The following BIRC6 variants were observed in gnomAD, a reference collection of about 807,000 sequenced individuals.
BIRC6 encodes dual E2 ubiquitin-conjugating enzyme/E3 ubiquitin-protein ligase BIRC6.
A neutral mutation model predicts 503.3 loss-of-function variants in BIRC6; 98 were observed. That is an observed-to-expected ratio of 0.19 (90% CI 0.17 to 0.23). BIRC6 has a LOEUF of 0.23. BIRC6 is among the 10% of genes least tolerant of loss of function. The pLI, the probability that BIRC6 is intolerant of heterozygous loss-of-function variation, is 1.00. For synonymous variants in BIRC6, 2,240 were observed against 2,078.7 expected (o/e 1.08, Z -2.11); for missense variants, 5,360 against 5,806.0 (o/e 0.92, Z 2.50).
At chr2:32,488,548 T>C in intron 41 of BIRC6, 40 bp from the exon 42 acceptor site, 1 of 1,462,824 alleles carries the variant, frequency 6.8e-7, no homozygotes. Context: ...CATATTATAA[T>C]AGGTACATTT....
chr2:32,448,679 G>GGGGAGA (rs1401741461), intron 21 of BIRC6, 116 bp from the exon 22 acceptor site: 7 of 793,456 alleles, frequency 8.8e-6, no homozygotes, highest in East Asian at 2.7e-5. Flanking sequence ...AGAGGGGAGA[G>GGGGAGA]GGGAGAGGGA....
rs965489908 is a variant in BIRC6, at chr2:32,568,702, G to A, written c.13145-6454G>A. On this transcript the variant is annotated intron_variant, in intron 65 of 73. Transcript: ENST00000421745. ...TGACCAAAAATACAAAAATTAGTCCGGCATGGTGGCATGCACCTGTAATCC... is the reference window on the plus strand; with the variant it reads ...TGACCAAAAATACAAAAATTAGTCCAGCATGGTGGCATGCACCTGTAATCC... 2.0e-5 allele frequency among the ~76,000 whole-genome samples: 3 copies of A among 151,570 alleles called. No individual in the cohort carries two copies. In the East Asian group the frequency reaches 5.8e-4, roughly 30 times the overall value.
chr2:32,382,687 G>T (rs2037848691), intron 3 of BIRC6, among the ~76,000 whole-genome samples: 1 of 152,132 alleles, frequency 6.6e-6, no homozygotes, highest in Admixed American at 6.5e-5. Flanking sequence ...TTATATATTT[G>T]AACTTTCATA....
At chr2:32,513,494 G>A (rs1471358648) in intron 54 of BIRC6, among the ~76,000 whole-genome samples, 1 of 152,162 alleles carries the variant, frequency 6.6e-6, no homozygotes, top group Non-Finnish European at 1.5e-5. Flanking sequence ...ACAACTTTGG[G>A]GGTGGGCATG....
chr2:32,451,302 A>G lies in BIRC6; in HGVS notation c.4618+2374A>G, dbSNP rs190306191. The stretch of plus-strand genomic sequence containing the variant: ...TTTATCTTGTGTCATTGCCCCGTTT[A>G]GTCTTTTTTGGCCCTGTGATTCTCA... On this transcript the variant is annotated intron_variant, in intron 22 of 73. Coordinates refer to ENST00000421745, the MANE Select transcript of BIRC6 (RefSeq NM_016252.4). Among the ~76,000 whole-genome samples, 23 of 152,118 alleles carry G rather than the reference A, an allele frequency of 1.5e-4. 1 individual carries two copies. The East Asian group carries it at 3.9e-3, about 26-fold the overall frequency.
At chr2:32,485,888 CT>C (rs1215552704) in intron 40 of BIRC6, 129 bp downstream of exon 40, 1 of 604,444 alleles carries the variant, frequency 1.7e-6, no homozygotes, top group Admixed American at 3.0e-5. Context: ...GTATGTAGCA[CT>C]TTCCTGGCTC....
chr2:32,530,073 A>G (rs1292245732), intron 60 of BIRC6, among the ~76,000 whole-genome samples: 2 of 152,196 alleles, frequency 1.3e-5, no homozygotes, highest in South Asian at 2.1e-4. Context: ...TGTGAGAGCT[A>G]TGTGAATTGT....
chr2:32,415,987 C>T lies in BIRC6; in HGVS notation c.2696C>T (p.Thr899Ile), dbSNP rs1337456883. 6.2e-7 allele frequency: 1 copy of T among 1,613,802 alleles called. No individual in the cohort carries two copies. Among genetic ancestry groups the T allele is most frequent in the Non-Finnish European group, 8.5e-7 (1 of 1,179,864 alleles). The change falls in exon 10 of 74, where the codon ACT becomes ATT. Residue 899 changes from threonine to isoleucine, a missense_variant. Thr to Ile is a moderately conservative substitution (Grantham distance 89, BLOSUM62 -1). Transcript: ENST00000421745. ...AGAGAAAAAACGTCTGACATTTCTA[C>T]TCTTGGACACCTGGTAATAACCACT... ...FEREKTSDIS[T>I]LGHLVITTQG...
chr2:32,578,806 AC>A (rs777164568), intron 66 of BIRC6, among the ~76,000 whole-genome samples: 4,858 of 149,686 alleles, frequency 0.032, 89 homozygotes, highest in African/African-American at 0.062. Context: ...CTCAAAAAAT[AC>A]ATACATACAT....
chr2:32,559,790 G>A (rs1305586705), intron 65 of BIRC6, among the ~76,000 whole-genome samples: 1 of 151,974 alleles, frequency 6.6e-6, no homozygotes, highest in African/African-American at 2.4e-5. Context: ...GGAGGCCAAG[G>A]CCGGTGGATC....
chr2:32,481,964 A>G (rs2050454011), intron 38 of BIRC6, among the ~76,000 whole-genome samples: 1 of 152,222 alleles, frequency 6.6e-6, no homozygotes, highest in African/African-American at 2.4e-5. Flanking sequence ...AAGAAAACTT[A>G]CATTTTTATT....
intron 1 of BIRC6, among the ~76,000 whole-genome samples, chr2:32,365,972 C>T (rs2034868885): frequency 6.6e-6 from 1 of 151,986 alleles, no homozygotes; most frequent in African/African-American, 2.4e-5. Context: ...GTAAACTCTG[C>T]CTCCTGGGTT....
Position 32,618,023 on chromosome 2 carries a change from C to T in BIRC6, c.*119C>T. 1.0e-6 allele frequency: 1 copy of T among 967,410 alleles called. No homozygotes were observed. Among genetic ancestry groups the T allele is most frequent in the Non-Finnish European group, 1.5e-6 (1 of 676,758 alleles). The allele number at this position is 967,410 out of a possible 1,614,324, so 59.9% of individuals were successfully genotyped here. A position where few individuals can be genotyped will look rare whatever the true frequency, so the allele number is the denominator to read the frequency against. On this transcript the variant is annotated 3_prime_UTR_variant, in exon 74 of 74. Transcript: ENST00000421745. ...TAATGAAACTGAAACTATACTATGC[C>T]CTTAAGGAGATCCAGTTTAATTCAA...
intron 1 of BIRC6, among the ~76,000 whole-genome samples, chr2:32,364,237 T>C (rs924377208): frequency 1.1e-4 from 17 of 152,166 alleles, no homozygotes; most frequent in African/African-American, 4.1e-4. Context: ...AAAAACCTGC[T>C]CAGTGTTTTT....
intron 6 of BIRC6, among the ~76,000 whole-genome samples, chr2:32,396,943 G>A (rs886121415): frequency 4.6e-5 from 7 of 152,036 alleles, no homozygotes; most frequent in Non-Finnish European, 8.8e-5. Flanking sequence ...TGCCAGGTTG[G>A]TCTCGAACTC....
At position 32,448,710 on chromosome 2, in the gene BIRC6, C is replaced by G. The variant is rs1001861218; in HGVS notation, c.4485-85C>G. 13 of 1,299,132 alleles carry G rather than the reference C, an allele frequency of 1.0e-5. No individual in the cohort carries two copies. In the Admixed American group the frequency reaches 1.6e-4, roughly 16 times the overall value. 80.5% of individuals were successfully genotyped at this position (1,299,132 alleles called of 1,614,324 possible). On this transcript the variant is annotated intron_variant, in intron 21 of 73. Transcript: ENST00000421745. ...AGGGAGAGCCCTCTGCGCTGTTAGT[C>G]AGACTGCTTTTAAAACTAAGTAAAG...
chr2:32,586,250 T>A (rs978753088), intron 66 of BIRC6, among the ~76,000 whole-genome samples: 23 of 144,770 alleles, frequency 1.6e-4, no homozygotes, highest in African/African-American at 5.3e-4. Flanking sequence ...TTAAGTGATT[T>A]AAAAAAAAAA....
chr2:32,501,392 C>T (rs1320046290), intron 46 of BIRC6, among the ~76,000 whole-genome samples: 2 of 152,154 alleles, frequency 1.3e-5, no homozygotes, highest in African/African-American at 2.4e-5. Context: ...GAGGTATTGT[C>T]ATGTAAGAAG....
intron 4 of BIRC6, among the ~76,000 whole-genome samples, chr2:32,389,414 A>C (rs2038921697): frequency 6.6e-6 from 1 of 151,978 alleles, no homozygotes; most frequent in East Asian, 1.9e-4. Flanking sequence ...AATAATAGGA[A>C]TAATTTTGAG....
Sources: gnomAD v4.1 joint callset for allele counts (sites outside exome capture counted in the v4.1 genomes callset) on GRCh38, gnomAD v4.1.1 for gene constraint, MANE v1.5 for transcripts, NCBI Gene and HGNC (gene_info 2026-07-23, HGNC 2026-07-21) for gene names.